The following WDR33 variants were observed in gnomAD, a reference collection of about 807,000 sequenced individuals.
WDR33 encodes the protein pre-mRNA 3' end processing protein WDR33.
WDR33 carries 47 observed loss-of-function variants against 164.9 expected under a neutral mutation model. The ratio of observed to expected loss-of-function variants is 0.29; its 90% CI spans 0.23 to 0.36. WDR33 has a LOEUF of 0.36. WDR33 is among the 10% of genes least tolerant of loss of function. The pLI, the probability that WDR33 is intolerant of heterozygous loss-of-function variation, is 1.00. For synonymous variants in WDR33, 505 were observed against 589.0 expected (o/e 0.86, Z 2.06); for missense variants, 1,137 against 1,754.1 (o/e 0.65, Z 6.28).
intron 7 of WDR33, among the ~76,000 whole-genome samples, chr2:127,728,873 C>A (rs192729141): frequency 1.1e-4 from 16 of 152,120 alleles, no homozygotes; most frequent in Non-Finnish European, 2.2e-4. Flanking sequence ...CTCTGGGACA[C>A]GTTTATTACA....
intron 1 of WDR33, among the ~76,000 whole-genome samples, chr2:127,796,455 A>G (rs1048951739): frequency 1.3e-5 from 2 of 151,962 alleles, no homozygotes; most frequent in African/African-American, 4.8e-5. Context: ...GCTCACGCCT[A>G]TAATCCCAGC....
intron 7 of WDR33, among the ~76,000 whole-genome samples, chr2:127,730,515 T>C (rs1242895062): frequency 6.6e-6 from 1 of 151,862 alleles, no homozygotes; most frequent in Admixed American, 6.5e-5. Flanking sequence ...TTATTAATAA[T>C]AGCAAAAAAA....
intron 7 of WDR33, among the ~76,000 whole-genome samples, chr2:127,740,719 A>G (rs1686990132): frequency 1.3e-5 from 2 of 152,264 alleles, no homozygotes; most frequent in Admixed American, 1.3e-4. Flanking sequence ...ATATCAGGAA[A>G]GAGGTAAGGA....
In WDR33 at chr2:127,717,068, C is replaced by A; in HGVS notation, c.2869+87G>T. 7.4e-7 allele frequency: 1 copy of A among 1,355,682 alleles called. No individual in the cohort carries two copies. The highest frequency in any genetic ancestry group is 1.3e-5 in the South Asian group (1 of 79,998). The allele number at this position is 1,355,682 out of a possible 1,614,324, so 84.0% of individuals were successfully genotyped here. On this transcript the variant is annotated intron_variant, in intron 17 of 21. Coordinates refer to ENST00000322313, the MANE Select transcript of WDR33 (RefSeq NM_018383.5). The surrounding 1 kb of genome is among the most constrained non-coding windows in gnomAD (Gnocchi z 5.6). ...CCAGAGGTTCAAATGACCAGTCTAT[C>A]AATGACTGGCCAACAAAATTATTCA...
chr2:127,749,821 T>C (rs1230007957), intron 7 of WDR33, among the ~76,000 whole-genome samples: 2 of 151,752 alleles, frequency 1.3e-5, no homozygotes, highest in South Asian at 2.1e-4. Context: ...GTCTTTCAAA[T>C]ACCTTTCATT....
At chr2:127,769,943 T>C (rs1315555830) in intron 2 of WDR33, among the ~76,000 whole-genome samples, 1 of 152,180 alleles carries the variant, frequency 6.6e-6, no homozygotes, top group Non-Finnish European at 1.5e-5. Flanking sequence ...TTGCCTTTAC[T>C]TACTATCTAA....
rs1012831272 is a variant in WDR33, at chr2:127,724,179, T to G, written c.1196+154A>C. Among the ~76,000 whole-genome samples, 2 of 152,230 alleles carry G rather than the reference T, an allele frequency of 1.3e-5. No individual in the cohort carries two copies. The highest frequency in any genetic ancestry group is 2.9e-5 in the Non-Finnish European group (2 of 68,036). On this transcript the variant is annotated intron_variant, in intron 11 of 21. Transcript: ENST00000322313. This position sits in a 1 kb window ranked among gnomAD's most constrained non-coding sequence, Gnocchi z 4.8. Reference sequence around the variant, plus strand: ...CATATTCAATACCCAATCTCTTTATTGCAATATAAGTATTTGTAAACCACT... The same window carrying G: ...CATATTCAATACCCAATCTCTTTATGGCAATATAAGTATTTGTAAACCACT...
Position 127,701,469 on chromosome 2 carries a change from C to T in WDR33, c.*4854G>A. ...CAATTGCCGCCCGAAGACCGAACCG[C>T]TTCAGCGGAGGGCCGGAAGTGAGCC... is the stretch of plus-strand genomic sequence containing the variant. On this transcript the variant is annotated 3_prime_UTR_variant, in exon 22 of 22. Coordinates refer to ENST00000322313, the MANE Select transcript of WDR33 (RefSeq NM_018383.5). 8.0e-7 allele frequency: 1 copy of T among 1,243,222 alleles called. No homozygotes were observed. The highest frequency in any genetic ancestry group is 1.0e-6 in the Non-Finnish European group (1 of 990,088). 77.0% of individuals were successfully genotyped at this position (1,243,222 alleles called of 1,614,324 possible). A position where few individuals can be genotyped will look rare whatever the true frequency, so the allele number is the denominator to read the frequency against.
chr2:127,764,274 G>C lies in WDR33; in HGVS notation c.626+554C>G. 8.0e-7 allele frequency: 1 copy of C among 1,254,606 alleles called. No homozygotes were observed. Among genetic ancestry groups the C allele is most frequent in the South Asian group, 2.5e-5 (1 of 39,892 alleles). The allele number at this position is 1,254,606 out of a possible 1,614,324, so 77.7% of individuals were successfully genotyped here. The stretch of plus-strand genomic sequence containing the variant: ...TCTTCTTGACAATGATCTGCTTACA[G>C]CTGCAAAGCTTGAAGAACCCATTCA... On this transcript the variant is annotated intron_variant, in intron 6 of 21. Coordinates refer to ENST00000322313, the MANE Select transcript of WDR33 (RefSeq NM_018383.5). This position sits in a 1 kb window ranked among gnomAD's most constrained non-coding sequence, Gnocchi z 6.2.
rs1374315582 is a variant in WDR33, at chr2:127,705,258, C to T, written c.*1065G>A. The T allele has an allele frequency of 6.0e-6, 1 of 166,858 alleles. No individual in the cohort carries two copies. Among genetic ancestry groups the T allele is most frequent in the Non-Finnish European group, 1.5e-5 (1 of 68,104 alleles). The allele number at this position is 166,858 out of a possible 1,614,324, so 10.3% of individuals were successfully genotyped here. Reference sequence around the variant, plus strand: ...ATAGAAAGTATCATGGGGTATATAACAAACTGAATTTTTGGCTTCCAATCC... The same window carrying T: ...ATAGAAAGTATCATGGGGTATATAATAAACTGAATTTTTGGCTTCCAATCC... On this transcript the variant is annotated 3_prime_UTR_variant, in exon 22 of 22. Coordinates refer to ENST00000322313, the MANE Select transcript of WDR33 (RefSeq NM_018383.5). This position sits in a 1 kb window ranked among gnomAD's most constrained non-coding sequence, Gnocchi z 4.5.
At chr2:127,799,869 G>T (rs1227368467) in intron 1 of WDR33, among the ~76,000 whole-genome samples, 2 of 152,142 alleles carry the variant, frequency 1.3e-5, no homozygotes, top group Admixed American at 1.3e-4. Context: ...TCCTGCCTGG[G>T]CAACAGAGTG....
chr2:127,766,611 A>AT (rs1228353545), intron 4 of WDR33, among the ~76,000 whole-genome samples: 2 of 152,156 alleles, frequency 1.3e-5, no homozygotes, highest in African/African-American at 4.8e-5. Flanking sequence ...TACCCACCTT[A>AT]TAAGATATGG....
intron 1 of WDR33, among the ~76,000 whole-genome samples, chr2:127,800,390 T>A (rs539354614): frequency 6.6e-6 from 1 of 152,184 alleles, no homozygotes; most frequent in African/African-American, 2.4e-5. Flanking sequence ...CTCCCAGCAC[T>A]TTGGGAGGCC....
chr2:127,709,837 G>A lies in WDR33; in HGVS notation c.3328C>T (p.Pro1110Ser), dbSNP rs771530907. The A allele has an allele frequency of 6.2e-7, 1 of 1,614,138 alleles. No homozygotes were observed. The highest frequency in any genetic ancestry group is 1.1e-5 in the South Asian group (1 of 91,072). ...GGGGGAGCACGGCCCTCATGCCTCG[G>A]CGGGGCTCCTCTTCTGAAACTGTAA... ...REESFRRGAP[P>S]RHEGRAPPRG... is the part of the protein sequence containing the mutation. Residue 1110 changes from proline to serine, a missense_variant, in exon 19 of 22, where the codon CCG (proline) becomes TCG (serine). Around this residue, in one of 9 missense-constraint regions of WDR33, gnomAD observed 867 missense variants for 1,073.0 expected, o/e 0.81. Transcript: ENST00000322313. The surrounding 1 kb of genome is among the most constrained non-coding windows in gnomAD (Gnocchi z 5.0).
Position 127,706,836 on chromosome 2 carries a change from G to A in WDR33, c.3782-284C>T. On this transcript the variant is annotated intron_variant, in intron 21 of 21. Transcript: ENST00000322313. This position sits in a 1 kb window ranked among gnomAD's most constrained non-coding sequence, Gnocchi z 5.1. ...AAGAGATGAGCAAGGAGCACCTTCA[G>A]GGAGACCCGGGCCACACTGGGCCAT... Among the ~76,000 whole-genome samples, 1 of 152,232 alleles carries A rather than the reference G, an allele frequency of 6.6e-6. No individual in the cohort carries two copies. The highest frequency in any genetic ancestry group is 1.9e-4 in the East Asian group (1 of 5,192).
chr2:127,746,339 A>T (rs538525597), intron 7 of WDR33, among the ~76,000 whole-genome samples: 91 of 152,264 alleles, frequency 6.0e-4, no homozygotes, highest in African/African-American at 2.1e-3. Context: ...CCTCCCATAA[A>T]TACCTTTCCT....
rs1469548159 is a variant in WDR33, at chr2:127,809,497, G to A, written c.-24+1515C>T. On this transcript the variant is annotated intron_variant, in intron 1 of 21. Transcript: ENST00000322313. Reference sequence around the variant, plus strand: ...GTTGCCCAGGCTAGAGTGCAATGGCGCGATCTTGGCTCACTGCAACCTCTG... The same window carrying A: ...GTTGCCCAGGCTAGAGTGCAATGGCACGATCTTGGCTCACTGCAACCTCTG... Among the ~76,000 whole-genome samples, 3 of 143,976 alleles carry A rather than the reference G, an allele frequency of 2.1e-5. No individual in the cohort carries two copies. The East Asian group carries it at 6.2e-4, about 30-fold the overall frequency. 94.5% of individuals were successfully genotyped at this position (143,976 alleles called of 152,430 possible).
At position 127,717,124 on chromosome 2, in the gene WDR33, T is replaced by G; in HGVS notation, c.2869+31A>C. 5.8e-6 allele frequency: 9 copies of G among 1,553,304 alleles called. No homozygotes were observed. The highest frequency in any genetic ancestry group is 1.7e-4 in the Middle Eastern group (1 of 5,982). ...AAATGTGCACAAAGGTGGTAGAATA[T>G]AATCTTTTATTCAGCTGAGCAGATA... On this transcript the variant is annotated intron_variant, in intron 17 of 21. Transcript: ENST00000322313. This position sits in a 1 kb window ranked among gnomAD's most constrained non-coding sequence, Gnocchi z 5.6.
intron 7 of WDR33, among the ~76,000 whole-genome samples, chr2:127,746,169 C>T (rs1479972536): frequency 1.3e-5 from 2 of 151,360 alleles, no homozygotes; most frequent in Admixed American, 1.3e-4. Context: ...AATATGAGGA[C>T]TTACATAAAT....
Sources: allele counts gnomAD v4.1 joint callset (sites outside exome capture counted in the v4.1 genomes callset), GRCh38; gene constraint gnomAD v4.1.1; regional missense constraint gnomAD v4.1.1; non-coding constraint Gnocchi (gnomAD v3.1); transcripts MANE v1.5; gene names NCBI Gene and HGNC (gene_info 2026-07-23, HGNC 2026-07-21).